ABCG5: variants seen among roughly 807,000 people sequenced by gnomAD.
The protein encoded by ABCG5 is ATP binding cassette subfamily G member 5.
A neutral mutation model predicts 64.5 loss-of-function variants in ABCG5; 64 were observed. The ratio of observed to expected loss-of-function variants is 0.99; its 90% CI spans 0.81 to 1.22. The LOEUF (loss-of-function observed/expected upper bound fraction) is 1.22. ABCG5 is among the 50% of genes most tolerant of loss of function. The pLI is 0.00. For synonymous variants in ABCG5, 385 were observed against 326.3 expected, an observed-to-expected ratio of 1.18 and a Z score of -1.94; for missense variants, 908 against 829.5, an observed-to-expected ratio of 1.09 and a Z score of -1.16.
At chr2:43,837,778 A>G in intron 2 of ABCG5, 56 bp downstream of exon 2, 1 of 1,609,824 alleles carries the variant, frequency 6.2e-7, no homozygotes, top group Non-Finnish European at 8.5e-7. Flanking sequence ...CTGTTTCTTC[A>G]ATGTGGAGTT....
chr2:43,839,009 G>A (rs567959280), upstream of ABCG5: 1 of 1,534,194 alleles, frequency 6.5e-7, no homozygotes, highest in South Asian at 1.2e-5. Context: ...GGCAGCAGCT[G>A]GGTCTAAGAG....
chr2:43,838,011 A>G lies in ABCG5; in HGVS notation c.144-56T>C. On this transcript the variant is annotated intron_variant, in intron 1 of 12. Transcript: ENST00000405322. The surrounding 1 kb of genome is among the most constrained non-coding windows in gnomAD (Gnocchi z 4.2). ...AGCTTGGGGCCCTGGAAGGGGCCAC[A>G]CCCAGGTCCCCAGCATTGATCCTAC... is the stretch of plus-strand genomic sequence containing the variant. The G allele has an allele frequency of 1.2e-6, 2 of 1,610,938 alleles. No homozygotes were observed. The highest frequency in any genetic ancestry group is 1.7e-6 in the Non-Finnish European group (2 of 1,178,280).
upstream of ABCG5, chr2:43,838,959 C>T (rs1046285087): frequency 6.1e-5 from 85 of 1,390,932 alleles, no homozygotes; most frequent in Non-Finnish European, 8.0e-5. The surrounding 1 kb of genome is among the most constrained non-coding windows in gnomAD (Gnocchi z 4.2). Context: ...GCCGAGGTGT[C>T]CCTGCTCCAG....
At chr2:43,809,049 C>T (rs981315176), downstream of ABCG5, among the ~76,000 whole-genome samples, 4 of 151,958 alleles carry the variant, frequency 2.6e-5, no homozygotes, top group Non-Finnish European at 4.4e-5. Flanking sequence ...AGTGCAGTGG[C>T]GCAATCACAG....
chr2:43,831,668 G>C, intron 4 of ABCG5, 101 bp downstream of exon 4: 2 of 1,209,880 alleles, frequency 1.7e-6, no homozygotes, highest in South Asian at 1.3e-5. Context: ...AAGGAGTGAC[G>C]AGCAAAGGGA....
intron 11 of ABCG5, among the ~76,000 whole-genome samples, chr2:43,817,645 C>G (rs1461335558): frequency 1.3e-5 from 2 of 152,044 alleles, no homozygotes; most frequent in Admixed American, 6.6e-5. Flanking sequence ...CGCGGTGGCT[C>G]ACGTCTATAA....
downstream of ABCG5, chr2:43,810,136 A>C: frequency 5.6e-6 from 2 of 358,026 alleles, no homozygotes; most frequent in Non-Finnish European, 7.8e-6. Flanking sequence ...CGTTAGACAC[A>C]TTCTTTCTAA....
chr2:43,830,457 G>A (rs1232192880), intron 4 of ABCG5, among the ~76,000 whole-genome samples: 1 of 152,236 alleles, frequency 6.6e-6, no homozygotes, highest in Non-Finnish European at 1.5e-5. Flanking sequence ...TCTCTGAAGT[G>A]GTCCAGGAAG....
rs199984328 is a variant in ABCG5 at position 43,820,036 on chromosome 2, G to T, written c.1528C>A (p.His510Asn). The T allele has an allele frequency of 1.0e-4, 162 of 1,614,148 alleles. No individual in the cohort carries two copies. In the East Asian group the frequency reaches 2.5e-3, roughly 24 times the overall value. Residue 510 changes from histidine to asparagine, a missense_variant, in exon 11 of 13, where the codon CAC becomes AAC. Transcript: ENST00000405322. The stretch of plus-strand genomic sequence containing the variant: ...AGAGTTAGAAATTCACCAATTAAGT[G>T]GGGGGCCAAGAGAGCAGCAGAAAAA... The part of the protein sequence containing the change: ...GYFSAALLAP[H>N]LIGEFLTLVL...
upstream of ABCG5, chr2:43,839,131 G>C (rs1250459571): frequency 6.4e-6 from 10 of 1,550,412 alleles, no homozygotes; most frequent in African/African-American, 4.1e-5. Context: ...GTGAGCAATG[G>C]GAAGTCGGCC....
intron 2 of ABCG5, among the ~76,000 whole-genome samples, chr2:43,837,512 C>T (rs902197636): frequency 6.6e-6 from 1 of 152,112 alleles, no homozygotes; most frequent in East Asian, 1.9e-4. Context: ...CATTTTTGTG[C>T]TTATTTAATC....
chr2:43,838,858 G>C, upstream of ABCG5: 3 of 1,289,880 alleles, frequency 2.3e-6, no homozygotes, highest in Non-Finnish European at 3.2e-6. The surrounding 1 kb of genome is among the most constrained non-coding windows in gnomAD (Gnocchi z 4.2). Context: ...TTTAGCCAGC[G>C]CGTCCTTATC....
intron 10 of ABCG5, among the ~76,000 whole-genome samples, chr2:43,821,528 C>A (rs1667201121): frequency 6.6e-6 from 1 of 152,322 alleles, no homozygotes; most frequent in South Asian, 2.1e-4. Context: ...AGTGCCCTCA[C>A]TGCCGCAGAT....
upstream of ABCG5, chr2:43,839,161 G>GGAGAA: frequency 1.3e-6 from 2 of 1,545,426 alleles, no homozygotes; most frequent in Non-Finnish European, 1.8e-6. Flanking sequence ...TGGGCGGGTA[G>GGAGAA]GAGAAATCAA....
At chr2:43,834,738 TG>T (rs1391407096) in intron 2 of ABCG5, among the ~76,000 whole-genome samples, 1 of 152,244 alleles carries the variant, frequency 6.6e-6, no homozygotes, top group Non-Finnish European at 1.5e-5. Context: ...CTAAATAATC[TG>T]CAAAGAAGCA....
At chr2:43,831,726 A>G in intron 4 of ABCG5, 43 bp downstream of exon 4, 1 of 1,528,952 alleles carries the variant, frequency 6.5e-7, no homozygotes, top group Non-Finnish European at 8.8e-7. Context: ...GGGGGGTGCA[A>G]AGGTACTCAG....
chr2:43,839,151 TG>T, upstream of ABCG5: 1 of 1,549,564 alleles, frequency 6.5e-7, no homozygotes, highest in Non-Finnish European at 8.7e-7. Context: ...CCAGGCCTGG[TG>T]GGCGGGTAGG....
Position 43,828,497 on chromosome 2 carries a change from A to G in ABCG5, c.502-382T>C, listed in dbSNP as rs566441528. ...CAAAAAAAAAAAAAAAAAAAAAGAA[A>G]GAAAAAAACAATAAATTAGCCGGGT... On this transcript the variant is annotated intron_variant, in intron 4 of 12. Coordinates refer to ENST00000405322, the MANE Select transcript of ABCG5 (RefSeq NM_022436.3). The G allele has an allele frequency of 6.9e-4, 261 of 378,358 alleles. 2 individuals carry two copies. Among genetic ancestry groups the G allele is most frequent in the Middle Eastern group, 4.7e-3 (5 of 1,054 alleles). The allele number at this position is 378,358 out of a possible 1,614,324, so 23.4% of individuals were successfully genotyped here.
chr2:43,828,974 AAT>A (rs1485914958), intron 4 of ABCG5, among the ~76,000 whole-genome samples: 2 of 149,690 alleles, frequency 1.3e-5, no homozygotes, highest in Admixed American at 6.6e-5. Flanking sequence ...CAAAAAAAAT[AAT>A]AATAAATAAA....
Sources: allele counts gnomAD v4.1 joint callset (sites outside exome capture counted in the v4.1 genomes callset), GRCh38; gene constraint gnomAD v4.1.1; non-coding constraint Gnocchi (gnomAD v3.1); transcripts MANE v1.5; gene names NCBI Gene and HGNC (gene_info 2026-07-23, HGNC 2026-07-21).